The following HYLS1 variants were observed in gnomAD, a reference collection of about 807,000 sequenced individuals.
HYLS1 encodes the protein centriolar and ciliogenesis-associated protein HYLS1.
HYLS1 carries 25 observed loss-of-function variants against 29.4 expected under a neutral mutation model. That is an observed-to-expected ratio of 0.85 (90% CI 0.62 to 1.19). The LOEUF is 1.19. Ranked by LOEUF, HYLS1 falls within the 50% of genes most tolerant of loss-of-function variation. HYLS1 has a pLI of 0.00. For synonymous variants in HYLS1, 128 were observed against 126.7 expected (o/e 1.01, Z -0.07); for missense variants, 352 against 365.1 (o/e 0.96, Z 0.29).
At chr11:125,893,988 T>C (rs776586960) in intron 2 of HYLS1, 4 of 1,614,148 alleles carry the variant, frequency 2.5e-6, no homozygotes, top group Non-Finnish European at 2.5e-6. Flanking sequence ...GGACGGTCCA[T>C]GAGGGGCTTA....
chr11:125,889,302 A>G (rs1052744738), intron 1 of HYLS1, among the ~76,000 whole-genome samples: 1 of 151,546 alleles, frequency 6.6e-6, no homozygotes, highest in Non-Finnish European at 1.5e-5. Context: ...CAGTCTCTTC[A>G]TAATCATAAA....
At position 125,891,473 on chromosome 11, in the gene HYLS1, G is replaced by T. The variant is rs1273983939; in HGVS notation, c.-26+1G>T. ...ACCAATCAAGATACATTGAAATAAG[G>T]TAAGAAATTGAAAAAAAAAAAAAAA... is the stretch of plus-strand genomic sequence containing the variant. On this transcript the variant is annotated splice_donor_variant, in intron 2 of 2. Coordinates refer to ENST00000425380, the MANE Select transcript of HYLS1 (RefSeq NM_001134793.2). LOFTEE classifies it low-confidence loss of function (5UTR_SPLICE). 2.4e-4 allele frequency: 13 copies of T among 53,344 alleles called. No individual in the cohort carries two copies. The highest frequency in any genetic ancestry group is 1.6e-3 in the South Asian group (2 of 1,282). The allele number at this position is 53,344 out of a possible 1,614,324, so 3.3% of individuals were successfully genotyped here.
intron 2 of HYLS1, among the ~76,000 whole-genome samples, chr11:125,897,502 C>A (rs1316689870): frequency 7.9e-6 from 1 of 126,986 alleles, no homozygotes; most frequent in Non-Finnish European, 1.6e-5. Flanking sequence ...TGAATATATA[C>A]ATCAGTTTTA....
intron 2 of HYLS1, among the ~76,000 whole-genome samples, chr11:125,898,269 G>A (rs1944650102): frequency 6.6e-6 from 1 of 152,230 alleles, no homozygotes; most frequent in South Asian, 2.1e-4. Context: ...ATAGTGGACA[G>A]TAGATACCTA....
intron 2 of HYLS1, among the ~76,000 whole-genome samples, chr11:125,892,002 A>G (rs1944421379): frequency 6.6e-6 from 1 of 152,222 alleles, no homozygotes; most frequent in Non-Finnish European, 1.5e-5. Flanking sequence ...GATAGAAAAC[A>G]TATTTGTATA....
chr11:125,886,482 G>C (rs1309007058), upstream of HYLS1, among the ~76,000 whole-genome samples: 1 of 151,794 alleles, frequency 6.6e-6, no homozygotes, highest in South Asian at 2.1e-4. Context: ...AGTTGAGATA[G>C]GTTTGCTTGG....
At position 125,900,191 on chromosome 11, in the gene HYLS1, C is replaced by G. The variant is rs1483571381; in HGVS notation, c.823C>G (p.Leu275Val). 2.5e-6 allele frequency: 4 copies of G among 1,614,106 alleles called. No individual in the cohort carries two copies. The highest frequency in any genetic ancestry group is 3.4e-6 in the Non-Finnish European group (4 of 1,180,046). Residue 275 changes from leucine to valine, a missense_variant, in exon 3 of 3, where the codon CTC (leucine) becomes GTC (valine). Transcript: ENST00000425380. ...ACCAACAGAGAAGAAAAGGTCTGCA[C>G]TCCGTTGGGGTGTTCGTTGTGACCT... ...LVPTEKKRSALRWGVRCDLAN... is the reference protein window; with the variant it reads ...LVPTEKKRSAVRWGVRCDLAN...
intron 2 of HYLS1, among the ~76,000 whole-genome samples, chr11:125,897,565 A>G (rs1039282730): frequency 2.0e-5 from 3 of 152,066 alleles, no homozygotes; most frequent in African/African-American, 7.2e-5. Context: ...AAATGGGCAA[A>G]GACCAAGCAT....
chr11:125,899,986 C>T lies in HYLS1; in HGVS notation c.618C>T (p.Asn206=), dbSNP rs748894781. 1.2e-6 allele frequency: 2 copies of T among 1,614,202 alleles called. No homozygotes were observed. Among genetic ancestry groups the T allele is most frequent in the Admixed American group, 1.7e-5 (1 of 60,028 alleles). Residue 206 remains asparagine, a synonymous_variant, in exon 3 of 3, where the codon AAC becomes AAT. Transcript: ENST00000425380. The part of the protein sequence containing the change: ...ILPKLDQLSR[N]RGKTDRVARY... The stretch of plus-strand genomic sequence containing the variant: ...CAAAGCTGGACCAGTTAAGCCGAAA[C>T]CGGGGCAAGACAGACCGGGTAGCCC...
intron 1 of HYLS1, among the ~76,000 whole-genome samples, chr11:125,888,694 G>T (rs1031146915): frequency 2.7e-5 from 4 of 150,770 alleles, no homozygotes; most frequent in African/African-American, 9.7e-5. Context: ...TCTTGAACCC[G>T]GGAGGGAGAG....
At chr11:125,890,932 TA>T (rs200637926) in intron 1 of HYLS1, among the ~76,000 whole-genome samples, 6 of 148,014 alleles carry the variant, frequency 4.1e-5, no homozygotes, top group East Asian at 3.9e-4. Context: ...CACATGCCAT[TA>T]AAAAAAAAAA....
At position 125,895,466 on chromosome 11, in the gene HYLS1, C is replaced by G. The variant is rs1251768294; in HGVS notation, c.-25-3878C>G. 1.9e-6 allele frequency: 3 copies of G among 1,614,128 alleles called. No homozygotes were observed. The South Asian group carries it at 3.3e-5, about 18-fold the overall frequency. On this transcript the variant is annotated intron_variant, in intron 2 of 2. Coordinates refer to ENST00000425380, the MANE Select transcript of HYLS1 (RefSeq NM_001134793.2). ...ATAGAATAGTCCTCTGAAAATTAAT[C>G]ACACCGTTGGCTACATCCATTTTAC...
Position 125,900,466 on chromosome 11 carries a change from T to C in HYLS1, c.*198T>C, listed in dbSNP as rs1944737958. The C allele has an allele frequency of 1.0e-5, 6 of 587,526 alleles. No homozygotes were observed. Among genetic ancestry groups the C allele is most frequent in the South Asian group, 1.0e-4 (5 of 49,360 alleles). 36.4% of individuals were successfully genotyped at this position (587,526 alleles called of 1,614,324 possible). A position where few individuals can be genotyped will look rare whatever the true frequency, so the allele number is the denominator to read the frequency against. ...CAAATTGCCACTCAAATCCAGCAAT[T>C]GCAAGATAAATCATATCAGAGAAAG... is the stretch of plus-strand genomic sequence containing the variant. On this transcript the variant is annotated 3_prime_UTR_variant, in exon 3 of 3. Transcript: ENST00000425380.
intron 1 of HYLS1, among the ~76,000 whole-genome samples, chr11:125,890,680 T>C (rs1461010021): frequency 2.0e-5 from 3 of 152,224 alleles, no homozygotes; most frequent in Admixed American, 6.5e-5. Flanking sequence ...GTCAATGTTG[T>C]CTGTGTTTAC....
intron 1 of HYLS1, among the ~76,000 whole-genome samples, chr11:125,890,218 T>G (rs1944385918): frequency 6.6e-6 from 1 of 151,006 alleles, no homozygotes; most frequent in South Asian, 2.1e-4. Context: ...GTGCTGGAAT[T>G]ACAGGCATGA....
At chr11:125,896,727 G>C (rs1303678775) in intron 2 of HYLS1, among the ~76,000 whole-genome samples, 1 of 151,936 alleles carries the variant, frequency 6.6e-6, no homozygotes, top group Non-Finnish European at 1.5e-5. Context: ...TCTTTATATG[G>C]GCTACTTTTA....
chr11:125,888,389 G>C (rs1944347606), intron 1 of HYLS1: 1 of 152,286 alleles, frequency 6.6e-6, no homozygotes. Context: ...CCATGCTGCT[G>C]AGAGAGTGAA....
At chr11:125,892,150 G>C (rs969144313) in intron 2 of HYLS1, among the ~76,000 whole-genome samples, 1 of 152,134 alleles carries the variant, frequency 6.6e-6, no homozygotes, top group Non-Finnish European at 1.5e-5. Context: ...AGGTTGACTA[G>C]ATTATACTAT....
Position 125,899,958 on chromosome 11 carries a change from T to C in HYLS1, c.590T>C (p.Leu197Pro). 4 of 1,614,160 alleles carry C rather than the reference T, an allele frequency of 2.5e-6. No homozygotes were observed. Among genetic ancestry groups the C allele is most frequent in the Non-Finnish European group, 3.4e-6 (4 of 1,180,024 alleles). The change falls in exon 3 of 3, where the codon CTC (leucine) becomes CCC (proline). Residue 197 changes from leucine to proline, a missense_variant. Coordinates refer to ENST00000425380, the MANE Select transcript of HYLS1 (RefSeq NM_001134793.2). ...IVASRPKSFI[L>P]PKLDQLSRNR... Reference sequence around the variant, plus strand: ...GCCAGCAGACCCAAGTCCTTTATTCTCCCAAAGCTGGACCAGTTAAGCCGA... The same window carrying C: ...GCCAGCAGACCCAAGTCCTTTATTCCCCCAAAGCTGGACCAGTTAAGCCGA...
Sources: gnomAD v4.1 joint callset for allele counts (sites outside exome capture counted in the v4.1 genomes callset) on GRCh38, gnomAD v4.1.1 for gene constraint, MANE v1.5 for transcripts, NCBI Gene and HGNC (gene_info 2026-07-23, HGNC 2026-07-21) for gene names.